ASTN2: variants seen among roughly 807,000 people sequenced by gnomAD.
ASTN2 encodes astrotactin 2, also known as astrotactin-2.
A neutral mutation model predicts 139.8 loss-of-function variants in ASTN2; 54 were observed. The ratio of observed to expected loss-of-function variants is 0.39; its 90% CI spans 0.31 to 0.48. ASTN2 has a LOEUF of 0.48. ASTN2 is among the 20% of genes least tolerant of loss of function. The pLI is 0.95. For missense variants in ASTN2, 1,565 were observed against 1,725.1 expected (o/e 0.91, Z 1.64); for synonymous variants, 756 against 719.5 (o/e 1.05, Z -0.81).
chr9:116,449,472 G>A (rs1158221612), intron 20 of ASTN2, among the ~76,000 whole-genome samples: 3 of 152,144 alleles, frequency 2.0e-5, no homozygotes, highest in African/African-American at 7.2e-5. Flanking sequence ...GGATGTTAGA[G>A]GAATAAAGTT....
At chr9:117,096,015 G>T (rs1564423721) in intron 5 of ASTN2, 29 bp downstream of exon 5, 2 of 1,598,804 alleles carry the variant, frequency 1.3e-6, no homozygotes, top group Non-Finnish European at 1.7e-6. Flanking sequence ...ACAAACTCTG[G>T]TTCTGGAACC....
intron 1 of ASTN2, among the ~76,000 whole-genome samples, chr9:117,324,971 A>G (rs113089518): frequency 4.2e-4 from 64 of 152,286 alleles, no homozygotes; most frequent in African/African-American, 1.4e-3. Context: ...ATGCAGAGGC[A>G]GAACTTGTCT....
intron 10 of ASTN2, among the ~76,000 whole-genome samples, chr9:116,942,367 T>C (rs1021052973): frequency 2.0e-5 from 3 of 152,194 alleles, no homozygotes; most frequent in African/African-American, 7.2e-5. Flanking sequence ...TCTTCTCTGA[T>C]GCCTGGCCTT....
intron 5 of ASTN2, among the ~76,000 whole-genome samples, chr9:117,076,675 A>C (rs754327128): frequency 2.0e-5 from 3 of 152,106 alleles, no homozygotes; most frequent in Non-Finnish European, 4.4e-5. Context: ...AACTTGTCTA[A>C]GGCAGGGGCA....
chr9:116,888,632 C>T (rs1274101938), intron 10 of ASTN2, among the ~76,000 whole-genome samples: 1 of 152,026 alleles, frequency 6.6e-6, no homozygotes, highest in Non-Finnish European at 1.5e-5. Context: ...AAGCAAGTCT[C>T]ATGCCTCAGC....
chr9:116,590,642 C>T (rs1436823201), intron 19 of ASTN2, among the ~76,000 whole-genome samples: 5 of 152,154 alleles, frequency 3.3e-5, no homozygotes, highest in African/African-American at 9.7e-5. Flanking sequence ...GGCTGGGCTG[C>T]CAGATCTATG....
chr9:117,159,736 G>A (rs993200805), intron 3 of ASTN2, among the ~76,000 whole-genome samples: 11 of 152,008 alleles, frequency 7.2e-5, no homozygotes, highest in Non-Finnish European at 1.3e-4. Context: ...AGTCTAAGAC[G>A]TTAAGGAAGT....
intron 4 of ASTN2, among the ~76,000 whole-genome samples, chr9:117,122,514 G>A (rs1264824201): frequency 6.6e-6 from 1 of 152,158 alleles, no homozygotes; most frequent in Non-Finnish European, 1.5e-5. Context: ...TGGATACAAG[G>A]ATACAAGCTA....
chr9:117,015,440 A>T, intron 6 of ASTN2, among the ~76,000 whole-genome samples: 1 of 152,110 alleles, frequency 6.6e-6, no homozygotes, highest in East Asian at 1.9e-4. Flanking sequence ...AATGTATAAA[A>T]CCAAATTTAT....
chr9:117,283,190 C>T (rs1834366872), intron 2 of ASTN2, among the ~76,000 whole-genome samples: 1 of 152,106 alleles, frequency 6.6e-6, no homozygotes, highest in South Asian at 2.1e-4. Flanking sequence ...CATTCTACTT[C>T]GCTATGGTGC....
At chr9:116,542,868 T>G (rs976106618) in intron 19 of ASTN2, among the ~76,000 whole-genome samples, 1 of 152,072 alleles carries the variant, frequency 6.6e-6, no homozygotes, top group Non-Finnish European at 1.5e-5. Context: ...TGCAGTGAGC[T>G]GAGATTGTGC....
chr9:117,256,009 A>G (rs548951406), intron 2 of ASTN2, among the ~76,000 whole-genome samples: 1 of 152,344 alleles, frequency 6.6e-6, no homozygotes, highest in East Asian at 1.9e-4. Context: ...AATGAAAATG[A>G]TGTCCACAAG....
intron 2 of ASTN2, among the ~76,000 whole-genome samples, chr9:117,229,863 C>A (rs1195585301): frequency 6.6e-6 from 1 of 151,896 alleles, no homozygotes; most frequent in African/African-American, 2.4e-5. Flanking sequence ...TTATTTCTGG[C>A]CAGGTGTGGT....
intron 10 of ASTN2, among the ~76,000 whole-genome samples, chr9:116,889,299 G>A (rs1045138594): frequency 6.6e-6 from 1 of 152,194 alleles, no homozygotes; most frequent in African/African-American, 2.4e-5. Context: ...TGGATATGTG[G>A]ATGTGGCCTT....
At chr9:117,085,465 A>G (rs1042387171) in intron 5 of ASTN2, among the ~76,000 whole-genome samples, 1 of 152,182 alleles carries the variant, frequency 6.6e-6, no homozygotes. Context: ...TTGGGAAGAG[A>G]TGAGTACAAT....
intron 1 of ASTN2, among the ~76,000 whole-genome samples, chr9:117,365,629 C>G: frequency 6.6e-6 from 1 of 152,136 alleles, no homozygotes; most frequent in East Asian, 1.9e-4. Context: ...TGTGAGCCAT[C>G]CCAGTAAAAA....
intron 10 of ASTN2, among the ~76,000 whole-genome samples, chr9:116,918,711 T>A (rs746818759): frequency 1.3e-5 from 2 of 152,294 alleles, no homozygotes; most frequent in South Asian, 2.1e-4. Flanking sequence ...CTATCAGAAA[T>A]GATGTTTACA....
rs553960910 is a variant in ASTN2 at position 117,175,619 on chromosome 9, G to A, written c.1016-34141C>T. ...CTGACCTCCAGATACACGAGGACTTGTCCTATGACAGTGGTGTCATAAATC... is the reference window on the plus strand; with the variant it reads ...CTGACCTCCAGATACACGAGGACTTATCCTATGACAGTGGTGTCATAAATC... On this transcript the variant is annotated intron_variant, in intron 3 of 22. Coordinates refer to ENST00000313400, the MANE Select transcript of ASTN2 (RefSeq NM_001365068.1). Among the ~76,000 whole-genome samples, 16 of 152,280 alleles carry A rather than the reference G, an allele frequency of 1.1e-4. No homozygotes were observed. The East Asian group carries it at 2.5e-3, about 24-fold the overall frequency.
At chr9:116,797,370 C>T (rs1204332473) in intron 13 of ASTN2, among the ~76,000 whole-genome samples, 1 of 152,136 alleles carries the variant, frequency 6.6e-6, no homozygotes, top group Admixed American at 6.5e-5. Flanking sequence ...TGTCAGAAAA[C>T]CTTGGAAACA....
Sources: allele counts gnomAD v4.1 joint callset (sites outside exome capture counted in the v4.1 genomes callset), GRCh38; gene constraint gnomAD v4.1.1; transcripts MANE v1.5; gene names NCBI Gene and HGNC (gene_info 2026-07-23, HGNC 2026-07-21).